Variants in DPY19L2 observed in about 807,000 individuals in gnomAD.
DPY19L2 encodes the protein dpy-19 like 2.
A neutral mutation model predicts 97.9 loss-of-function variants in DPY19L2; 34 were observed. That is an observed-to-expected ratio of 0.35 (90% confidence interval 0.26 to 0.46). DPY19L2 has a LOEUF of 0.46. DPY19L2 is among the 20% of genes least tolerant of loss of function. The pLI, the probability that DPY19L2 is intolerant of heterozygous loss-of-function variation, is 1.00. For synonymous variants in DPY19L2, 230 were observed against 307.9 expected, an observed-to-expected ratio of 0.75 and a Z score of 2.65; for missense variants, 623 against 911.4, an observed-to-expected ratio of 0.68 and a Z score of 4.07.
intron 19 of DPY19L2, among the ~76,000 whole-genome samples, chr12:63,577,472 A>C (rs1051252877): frequency 5.3e-5 from 8 of 152,182 alleles, no homozygotes; most frequent in Non-Finnish European, 1.2e-4. Context: ...TGCACAGCAA[A>C]GGAAACAATC....
chr12:63,593,120 C>T (rs1362680387), intron 16 of DPY19L2, among the ~76,000 whole-genome samples: 1 of 151,920 alleles, frequency 6.6e-6, no homozygotes, highest in East Asian at 1.9e-4. Flanking sequence ...GAATGGCGAT[C>T]ATTAAAAAGT....
chr12:63,668,210 G>C lies in DPY19L2; in HGVS notation c.184C>G (p.Leu62Val). Reference protein sequence around the residue: ...WRSSPGRIQSLKERKGLELEV... With the variant: ...WRSSPGRIQSVKERKGLELEV... ...AGCTCCAAGCCTTTTCGCTCTTTCA[G>C]ACTTTGGATCCTCCCCGGGGAGGAC... The change falls in exon 1 of 22, where the codon CTG becomes GTG. Residue 62 changes from leucine to valine, a missense_variant. Leu to Val is a conservative substitution (Grantham distance 32). Around this residue, in one of 6 missense-constraint regions of DPY19L2, gnomAD observed 144 missense variants for 119.4 expected, o/e 1.21. Coordinates refer to ENST00000324472, the MANE Select transcript of DPY19L2 (RefSeq NM_173812.5). 6.2e-7 allele frequency: 1 copy of C among 1,613,880 alleles called. No homozygotes were observed. The highest frequency in any genetic ancestry group is 8.5e-7 in the Non-Finnish European group (1 of 1,179,918).
chr12:63,652,774 G>C lies in DPY19L2; in HGVS notation c.589-5409C>G, dbSNP rs1171427834. 1.5e-5 allele frequency among the ~76,000 whole-genome samples: 2 copies of C among 137,732 alleles called. 1 individual carries two copies. The highest frequency in any genetic ancestry group is 5.1e-5 in the African/African-American group (2 of 39,224). The allele number at this position is 137,732 out of a possible 152,430, so 90.4% of individuals were successfully genotyped here. A position where few individuals can be genotyped will look rare whatever the true frequency, so the allele number is the denominator to read the frequency against. On this transcript the variant is annotated intron_variant, in intron 4 of 21. Coordinates refer to ENST00000324472, the MANE Select transcript of DPY19L2 (RefSeq NM_173812.5). ...ACAACAGACACTGGGGCCTACTTGA[G>C]GGTGAAGGGTATGAGGAGGGTGAGG...
At chr12:63,615,215 A>G (rs892735070) in intron 11 of DPY19L2, among the ~76,000 whole-genome samples, 1 of 152,154 alleles carries the variant, frequency 6.6e-6, no homozygotes, top group Non-Finnish European at 1.5e-5. Context: ...CAGCCCAAAG[A>G]GCCTACATTT....
intron 6 of DPY19L2, among the ~76,000 whole-genome samples, chr12:63,638,942 G>T (rs1664192672): frequency 6.6e-6 from 1 of 152,080 alleles, no homozygotes; most frequent in South Asian, 2.1e-4. Flanking sequence ...CACGCTACCT[G>T]ACTTCAAACT....
chr12:63,638,057 C>T (rs139850380), intron 6 of DPY19L2, among the ~76,000 whole-genome samples: 1,987 of 152,162 alleles, frequency 0.013, 34 homozygotes, highest in South Asian at 0.032. Flanking sequence ...GTTCAACATA[C>T]GCAAATCAAT....
chr12:63,575,273 A>G (rs959496291), intron 19 of DPY19L2, among the ~76,000 whole-genome samples: 28 of 152,022 alleles, frequency 1.8e-4, no homozygotes, highest in African/African-American at 6.3e-4. Context: ...GAAACAAACG[A>G]TAATGAAAAC....
intron 6 of DPY19L2, among the ~76,000 whole-genome samples, chr12:63,629,881 T>C (rs1432207365): frequency 6.6e-6 from 1 of 152,138 alleles, no homozygotes; most frequent in East Asian, 1.9e-4. Flanking sequence ...GCAGAAACTC[T>C]ACAAGCCAGA....
chr12:63,663,783 C>T lies in DPY19L2; in HGVS notation c.425G>A (p.Arg142Gln), dbSNP rs770291188. 1 of 1,603,868 alleles carries T rather than the reference C, an allele frequency of 6.2e-7. No individual in the cohort carries two copies. Residue 142 changes from arginine (R) to glutamine (Q), a missense_variant, in exon 3 of 22, where the codon CGG becomes CAG. Transcript: ENST00000324472. ...RHFSHLSSLEREMTFRTEMGL... is the reference protein window; with the variant it reads ...RHFSHLSSLEQEMTFRTEMGL... Reference sequence around the variant, plus strand: ...CATTTCAGTGCGAAAAGTCATCTCCCGTTCCAAAGATGAGAGGTGAGAGAA... The same window carrying T: ...CATTTCAGTGCGAAAAGTCATCTCCTGTTCCAAAGATGAGAGGTGAGAGAA...
intron 2 of DPY19L2, among the ~76,000 whole-genome samples, 168 bp downstream of exon 2, chr12:63,665,667 C>T (rs1343730916): frequency 5.9e-5 from 9 of 152,056 alleles, no homozygotes; most frequent in Admixed American, 5.9e-4. Context: ...TTTGTAAATG[C>T]TGTTTCACAT....
chr12:63,589,202 T>G (rs527929753), intron 16 of DPY19L2, among the ~76,000 whole-genome samples: 2 of 151,906 alleles, frequency 1.3e-5, no homozygotes, highest in South Asian at 4.2e-4. Context: ...TTCTGGAAGT[T>G]CTAGCACGAC....
At chr12:63,607,214 T>C (rs1462322635) in intron 12 of DPY19L2, among the ~76,000 whole-genome samples, 1 of 152,156 alleles carries the variant, frequency 6.6e-6, no homozygotes, top group Non-Finnish European at 1.5e-5. Flanking sequence ...GAGTGCAGCC[T>C]TGGCAGAATT....
In DPY19L2 at chr12:63,559,746, C is replaced by G. The variant is rs1463449783; in HGVS notation, c.*766G>C. 5 of 151,846 alleles carry G rather than the reference C, an allele frequency of 3.3e-5. No individual in the cohort carries two copies. Among genetic ancestry groups the G allele is most frequent in the Non-Finnish European group, 2.9e-5 (2 of 67,962 alleles). 9.4% of individuals were successfully genotyped at this position (151,846 alleles called of 1,614,324 possible). A position where few individuals can be genotyped will look rare whatever the true frequency, so the allele number is the denominator to read the frequency against. On this transcript the variant is annotated 3_prime_UTR_variant, in exon 22 of 22. Coordinates refer to ENST00000324472, the MANE Select transcript of DPY19L2 (RefSeq NM_173812.5). ...TTTCTTTTCTGATTATGTTTAACCCCAAAACTTGGTTGTATACCATAGCAG... is the reference window on the plus strand; with the variant it reads ...TTTCTTTTCTGATTATGTTTAACCCGAAAACTTGGTTGTATACCATAGCAG...
Position 63,577,146 on chromosome 12 carries a change from C to T in DPY19L2, c.1900+3516G>A, listed in dbSNP as rs563820563. ...AAGAAATCCATACATCTACAGTAAA[C>T]TCATTTTTTACAGCAGTCCCAAAAA... On this transcript the variant is annotated intron_variant, in intron 19 of 21. Coordinates refer to ENST00000324472, the MANE Select transcript of DPY19L2 (RefSeq NM_173812.5). Among the ~76,000 whole-genome samples the T allele has an allele frequency of 2.6e-5, 4 of 152,100 alleles. No individual in the cohort carries two copies. The East Asian group carries it at 5.8e-4, about 22-fold the overall frequency.
chr12:63,578,761 T>C (rs1350679975), intron 19 of DPY19L2, among the ~76,000 whole-genome samples: 1 of 152,142 alleles, frequency 6.6e-6, no homozygotes, highest in Non-Finnish European at 1.5e-5. Context: ...TAATTTATGA[T>C]GACAAGCTGT....
At chr12:63,563,443 G>A (rs1291633295) in intron 21 of DPY19L2, among the ~76,000 whole-genome samples, 1 of 152,122 alleles carries the variant, frequency 6.6e-6, no homozygotes, top group Non-Finnish European at 1.5e-5. Flanking sequence ...AGTTTGCTGA[G>A]GGTTTTTAAT....
chr12:63,609,057 C>T (rs1477532138), intron 11 of DPY19L2, among the ~76,000 whole-genome samples: 1 of 151,698 alleles, frequency 6.6e-6, no homozygotes, highest in South Asian at 2.1e-4. Context: ...TCCAAACTGC[C>T]GAATAAAATA....
chr12:63,640,459 C>G (rs1313663774), intron 6 of DPY19L2, among the ~76,000 whole-genome samples: 1 of 152,118 alleles, frequency 6.6e-6, no homozygotes, highest in East Asian at 1.9e-4. Flanking sequence ...TTGAACAAAT[C>G]ATATCTGTAT....
chr12:63,645,314 C>A (rs1282941746), intron 5 of DPY19L2, among the ~76,000 whole-genome samples: 2 of 152,132 alleles, frequency 1.3e-5, no homozygotes, highest in Non-Finnish European at 2.9e-5. Flanking sequence ...TCAGTCAGTT[C>A]TAGTAACTTC....
Sources: allele counts gnomAD v4.1 joint callset (sites outside exome capture counted in the v4.1 genomes callset), GRCh38; gene constraint gnomAD v4.1.1; regional missense constraint gnomAD v4.1.1; transcripts MANE v1.5; gene names NCBI Gene and HGNC (gene_info 2026-07-23, HGNC 2026-07-21).